MAPK8: variants seen among roughly 807,000 people sequenced by gnomAD.
The protein encoded by MAPK8 is JUN N-terminal kinase.
MAPK8 carries 13 observed loss-of-function variants against 52.9 expected under a neutral mutation model. That is an observed-to-expected ratio of 0.25 (90% confidence interval 0.16 to 0.39). The LOEUF is 0.39. Among genes scored for constraint, MAPK8 ranks in the 10% least tolerant of loss-of-function variants. MAPK8 has a pLI of 1.00. For missense variants in MAPK8, 300 were observed against 519.2 expected (o/e 0.58, Z 4.10); for synonymous variants, 191 against 169.8 (o/e 1.12, Z -0.97).
intron 1 of MAPK8, among the ~76,000 whole-genome samples, chr10:48,357,516 C>T (rs1399336904): frequency 6.6e-6 from 1 of 152,066 alleles, no homozygotes; most frequent in African/African-American, 2.4e-5. Flanking sequence ...ACCTCAGCCT[C>T]TGAAGTGGGA....
intron 3 of MAPK8, among the ~76,000 whole-genome samples, chr10:48,405,569 T>C (rs543949925): frequency 6.6e-5 from 10 of 152,240 alleles, no homozygotes; most frequent in Non-Finnish European, 1.5e-4. Context: ...TATAAAGATA[T>C]ATAAGTTGCA....
rs1053130745 is a variant in MAPK8, at chr10:48,426,579, C to T, written c.996+75C>T. On this transcript the variant is annotated intron_variant, in intron 9 of 11. Transcript: ENST00000374189. Reference sequence around the variant, plus strand: ...GAATGACAGTTAGGTTTGGAGGAGACCTTTTAATTTTAAATAAAAATGTAG... The same window carrying T: ...GAATGACAGTTAGGTTTGGAGGAGATCTTTTAATTTTAAATAAAAATGTAG... The T allele has an allele frequency of 2.9e-6, 4 of 1,374,876 alleles. No individual in the cohort carries two copies. The African/African-American group carries it at 6.0e-5, about 21-fold the overall frequency. 85.2% of individuals were successfully genotyped at this position (1,374,876 alleles called of 1,614,324 possible).
In MAPK8 at chr10:48,377,691, G is replaced by A. The variant is rs989779859; in HGVS notation, c.-49-23921G>A. 2.6e-5 allele frequency among the ~76,000 whole-genome samples: 4 copies of A among 152,134 alleles called. No homozygotes were observed. The Middle Eastern group carries it at 0.01, about 388-fold the overall frequency. ...AGAGCAACAGGATAAAAGGAACCTG[G>A]GTCCTTGGATAACTTCATGAAATAG... On this transcript the variant is annotated intron_variant, in intron 1 of 11. Transcript: ENST00000374189.
chr10:48,323,424 A>G (rs1003175926), intron 1 of MAPK8, among the ~76,000 whole-genome samples: 2 of 152,214 alleles, frequency 1.3e-5, no homozygotes, highest in Non-Finnish European at 2.9e-5. Context: ...GAAGGAGTCA[A>G]CTTTGGGGCT....
chr10:48,370,718 A>G (rs1320108244), intron 1 of MAPK8, among the ~76,000 whole-genome samples: 1 of 152,138 alleles, frequency 6.6e-6, no homozygotes, highest in Non-Finnish European at 1.5e-5. Context: ...TAAAAGAAGT[A>G]AACATGGAAG....
chr10:48,310,398 A>G (rs1841859851), intron 1 of MAPK8, among the ~76,000 whole-genome samples: 1 of 152,190 alleles, frequency 6.6e-6, no homozygotes, highest in African/African-American at 2.4e-5. Context: ...GAAGCCAAAA[A>G]AATTGTTGAG....
chr10:48,322,512 A>G (rs1843098335), intron 1 of MAPK8, among the ~76,000 whole-genome samples: 2 of 152,178 alleles, frequency 1.3e-5, no homozygotes, highest in Non-Finnish European at 2.9e-5. Flanking sequence ...GTCAGAGACT[A>G]TGATGTTTCA....
At chr10:48,395,838 C>T (rs1251934654) in intron 1 of MAPK8, among the ~76,000 whole-genome samples, 1 of 151,982 alleles carries the variant, frequency 6.6e-6, no homozygotes, top group African/African-American at 2.4e-5. Context: ...ACAAGTAGAG[C>T]CAACTGAAGT....
intron 1 of MAPK8, among the ~76,000 whole-genome samples, chr10:48,341,596 G>A (rs1436398406): frequency 6.6e-6 from 1 of 152,190 alleles, no homozygotes; most frequent in Non-Finnish European, 1.5e-5. Context: ...AATACTGTTT[G>A]GTGCTTATTA....
intron 11 of MAPK8, among the ~76,000 whole-genome samples, chr10:48,432,729 T>C (rs765981750): frequency 1.3e-5 from 2 of 152,204 alleles, no homozygotes; most frequent in Non-Finnish European, 2.9e-5. Context: ...GTTAGAGCAT[T>C]TGTATTTGTT....
intron 3 of MAPK8, among the ~76,000 whole-genome samples, chr10:48,408,889 C>T (rs1347963052): frequency 6.6e-6 from 1 of 152,124 alleles, no homozygotes; most frequent in Non-Finnish European, 1.5e-5. Flanking sequence ...TTCACCTTGT[C>T]CTCATTTGCC....
intron 1 of MAPK8, among the ~76,000 whole-genome samples, chr10:48,324,957 T>TTTTTTGTTTTTGC (rs1294003011): frequency 5.1e-4 from 3 of 5,926 alleles, no homozygotes; most frequent in Non-Finnish European, 7.9e-4. Context: ...CAAATGGTGT[T>TTTTTTGTTTTTGC]TTTTTGTTTT....
At chr10:48,338,984 A>G (rs549640942) in intron 1 of MAPK8, among the ~76,000 whole-genome samples, 24 of 152,302 alleles carry the variant, frequency 1.6e-4, no homozygotes, top group African/African-American at 5.8e-4. Flanking sequence ...TGAAAGAATC[A>G]ACATTGTTAA....
intron 6 of MAPK8, among the ~76,000 whole-genome samples, chr10:48,422,177 A>G (rs1370000832): frequency 6.6e-6 from 1 of 152,012 alleles, no homozygotes; most frequent in African/African-American, 2.4e-5. Flanking sequence ...GACTATAGGC[A>G]TGTGCCACCA....
intron 1 of MAPK8, among the ~76,000 whole-genome samples, chr10:48,365,753 ATGAT>A (rs1248937550): frequency 6.6e-6 from 1 of 152,180 alleles, no homozygotes; most frequent in Non-Finnish European, 1.5e-5. Flanking sequence ...GTGTACCTAA[ATGAT>A]ATTTTAGATA....
At chr10:48,315,571 A>G (rs1392378786) in intron 1 of MAPK8, among the ~76,000 whole-genome samples, 3 of 150,564 alleles carry the variant, frequency 2.0e-5, no homozygotes, top group East Asian at 3.9e-4. Context: ...TTAAACATTA[A>G]AATTTTTTTT....
In MAPK8 at chr10:48,426,076, T is replaced by C. The variant is rs761789077; in HGVS notation, c.871+6T>C. 6.2e-7 allele frequency: 1 copy of C among 1,604,498 alleles called. No homozygotes were observed. Among genetic ancestry groups the C allele is most frequent in the Non-Finnish European group, 8.5e-7 (1 of 1,174,956 alleles). On this transcript the variant is annotated splice_donor_region_variant and intron_variant, in intron 8 of 11. Coordinates refer to ENST00000374189, the MANE Select transcript of MAPK8 (RefSeq NM_001323329.2). ...AGAACACAACAAACTTAAAGGTACT[T>C]TTTACAAATATGTACATTTAATCCC...
At chr10:48,333,995 C>T (rs183844778) in intron 1 of MAPK8, among the ~76,000 whole-genome samples, 14 of 152,078 alleles carry the variant, frequency 9.2e-5, no homozygotes, top group South Asian at 8.3e-4. Context: ...ACCCACCACC[C>T]GCTGAGCTGG....
intron 1 of MAPK8, among the ~76,000 whole-genome samples, chr10:48,396,451 T>C (rs906536393): frequency 4.6e-5 from 7 of 151,948 alleles, no homozygotes; most frequent in African/African-American, 1.7e-4. Flanking sequence ...AAACGAAGAG[T>C]TGGTAAGAAT....
Sources: gnomAD v4.1 joint callset for allele counts (sites outside exome capture counted in the v4.1 genomes callset) on GRCh38, gnomAD v4.1.1 for gene constraint, MANE v1.5 for transcripts, NCBI Gene and HGNC (gene_info 2026-07-23, HGNC 2026-07-21) for gene names.